The following TMEM167A variants were observed in gnomAD, a reference collection of about 807,000 sequenced individuals.
TMEM167A encodes the protein protein kish-A.
TMEM167A carries 8 observed loss-of-function variants against 11.6 expected under a neutral mutation model. That is an observed-to-expected ratio of 0.69 (90% confidence interval 0.40 to 1.24). The LOEUF (loss-of-function observed/expected upper bound fraction) is 1.24. Ranked by LOEUF, TMEM167A falls within the 50% of genes most tolerant of loss-of-function variation. The pLI is 0.01. For missense variants in TMEM167A, 62 were observed against 87.0 expected (o/e 0.71, Z 1.14); for synonymous variants, 22 against 28.0 (o/e 0.79, Z 0.67).
At chr5:83,072,096 G>A (rs1428791477) in intron 1 of TMEM167A, among the ~76,000 whole-genome samples, 1 of 152,088 alleles carries the variant, frequency 6.6e-6, no homozygotes, top group Non-Finnish European at 1.5e-5. Flanking sequence ...GTTTTCCACT[G>A]GCAACACTGA....
chr5:83,067,249 C>CAAAAA (rs144860721), intron 1 of TMEM167A, among the ~76,000 whole-genome samples: 7,492 of 151,260 alleles, frequency 0.05, 243 homozygotes, highest in Non-Finnish European at 0.073. Flanking sequence ...ATCTTAAAAA[C>CAAAAA]AAAAAAATGG....
At chr5:83,060,608 G>C (rs916567767) in intron 3 of TMEM167A, among the ~76,000 whole-genome samples, 4 of 151,920 alleles carry the variant, frequency 2.6e-5, no homozygotes, top group Non-Finnish European at 4.4e-5. Flanking sequence ...GAGGCGGGCG[G>C]ATCACAAGGT....
intron 1 of TMEM167A, 83 bp downstream of exon 1, chr5:83,077,238 G>T: frequency 1.2e-6 from 2 of 1,606,046 alleles, no homozygotes; most frequent in Non-Finnish European, 1.7e-6. Context: ...CACACCCCGG[G>T]CTGCCGCACA....
rs1307095544 is a variant in TMEM167A, at chr5:83,056,890, T to A, written c.*194A>T. On this transcript the variant is annotated 3_prime_UTR_variant, in exon 4 of 4. Transcript: ENST00000502346. The stretch of plus-strand genomic sequence containing the variant: ...AGTACTGAGGTTGATTGTTACAGAC[T>A]ATTAAATGGTTACATCTTAATTGTT... 2 of 624,714 alleles carry A rather than the reference T, an allele frequency of 3.2e-6. No homozygotes were observed. Among genetic ancestry groups the A allele is most frequent in the Non-Finnish European group, 5.7e-6 (2 of 351,726 alleles). 38.7% of individuals were successfully genotyped at this position (624,714 alleles called of 1,614,324 possible).
intron 1 of TMEM167A, among the ~76,000 whole-genome samples, chr5:83,070,522 TC>T (rs1481538490): frequency 6.6e-6 from 1 of 152,190 alleles, no homozygotes; most frequent in East Asian, 1.9e-4. Context: ...TTGAAGTAAA[TC>T]ACATTTGGTT....
At chr5:83,076,766 A>T (rs1744676447) in intron 1 of TMEM167A, among the ~76,000 whole-genome samples, 1 of 152,234 alleles carries the variant, frequency 6.6e-6, no homozygotes, top group Admixed American at 6.5e-5. Context: ...AAGCTCCTAG[A>T]AGGGCAATCC....
chr5:83,073,570 C>T (rs1328304394), intron 1 of TMEM167A, among the ~76,000 whole-genome samples: 2 of 152,148 alleles, frequency 1.3e-5, no homozygotes, highest in African/African-American at 4.8e-5. Flanking sequence ...TTGACGGTGC[C>T]GGGAGCCATC....
intron 2 of TMEM167A, chr5:83,064,106 T>C (rs930758657): frequency 8.3e-6 from 3 of 359,748 alleles, no homozygotes; most frequent in African/African-American, 4.3e-5. Flanking sequence ...TTAACACGTA[T>C]ATAAGTAGAA....
chr5:83,070,528 T>G (rs1009320838), intron 1 of TMEM167A, among the ~76,000 whole-genome samples: 1 of 152,136 alleles, frequency 6.6e-6, no homozygotes, highest in Non-Finnish European at 1.5e-5. Context: ...TAAATCACAT[T>G]TGGTTAGGTG....
chr5:83,059,439 C>T (rs1174833607), intron 3 of TMEM167A, among the ~76,000 whole-genome samples: 2 of 149,366 alleles, frequency 1.3e-5, no homozygotes, highest in African/African-American at 5.1e-5. Context: ...TGCCTCTTAA[C>T]TCCAGACCTG....
At chr5:83,064,150 A>T (rs1744445676) in intron 2 of TMEM167A, 1 of 443,512 alleles carries the variant, frequency 2.3e-6, no homozygotes, top group Non-Finnish European at 4.5e-6. Context: ...CAAACAGTTG[A>T]CTGTATTAGT....
chr5:83,062,997 C>G (rs1744428749), intron 2 of TMEM167A, among the ~76,000 whole-genome samples: 1 of 151,776 alleles, frequency 6.6e-6, no homozygotes, highest in Non-Finnish European at 1.5e-5. Context: ...AGCAAAAGGT[C>G]TCTTAGCCTA....
chr5:83,071,151 T>C (rs566294414), intron 1 of TMEM167A, among the ~76,000 whole-genome samples: 1 of 152,194 alleles, frequency 6.6e-6, no homozygotes, highest in Admixed American at 6.5e-5. Flanking sequence ...TTGGATCACT[T>C]GGGCACTAAA....
intron 2 of TMEM167A, chr5:83,064,413 G>A: frequency 2.1e-6 from 1 of 484,938 alleles, no homozygotes; most frequent in Non-Finnish European, 4.1e-6. Context: ...ATTCTTTAAT[G>A]AGATAAACAC....
chr5:83,063,652 T>C (rs1016884900), intron 2 of TMEM167A, among the ~76,000 whole-genome samples: 1 of 152,034 alleles, frequency 6.6e-6, no homozygotes, highest in African/African-American at 2.4e-5. Context: ...TTTTTCCACA[T>C]ATTTCTCTAC....
chr5:83,066,801 C>T (rs1744487815), intron 1 of TMEM167A, among the ~76,000 whole-genome samples: 1 of 150,846 alleles, frequency 6.6e-6, no homozygotes, highest in Non-Finnish European at 1.5e-5. Flanking sequence ...TCAGGGTGCT[C>T]TTCTCATTAG....
chr5:83,052,925 A>G lies in TMEM167A; in HGVS notation c.*4159T>C, dbSNP rs1744279429. On this transcript the variant is annotated 3_prime_UTR_variant, in exon 4 of 4. Coordinates refer to ENST00000502346, the MANE Select transcript of TMEM167A (RefSeq NM_174909.5). The stretch of plus-strand genomic sequence containing the variant: ...GATGTGCATGATTCTCTGTACTCTT[A>G]AAATCACAGGAAATATAATTCCACC... The G allele has an allele frequency of 6.6e-6, 1 of 151,928 alleles. No individual in the cohort carries two copies. Among genetic ancestry groups the G allele is most frequent in the African/African-American group, 2.4e-5 (1 of 41,384 alleles). 9.4% of individuals were successfully genotyped at this position (151,928 alleles called of 1,614,324 possible).
intron 1 of TMEM167A, among the ~76,000 whole-genome samples, chr5:83,074,799 T>G (rs1262934608): frequency 6.6e-6 from 1 of 152,010 alleles, no homozygotes; most frequent in African/African-American, 2.4e-5. Context: ...AGATGGAGTT[T>G]CGCTCTTGTT....
rs1364644168 is a variant in TMEM167A, at chr5:83,054,507, T to C, written c.*2577A>G. ...GACTTCAGTGTCCATCATCCGATCCTGCCCTGTAACAACAGGTCTATATGA... is the reference window on the plus strand; with the variant it reads ...GACTTCAGTGTCCATCATCCGATCCCGCCCTGTAACAACAGGTCTATATGA... On this transcript the variant is annotated 3_prime_UTR_variant, in exon 4 of 4. Transcript: ENST00000502346. The C allele has an allele frequency of 6.6e-6, 1 of 152,028 alleles. No individual in the cohort carries two copies. The highest frequency in any genetic ancestry group is 2.4e-5 in the African/African-American group (1 of 41,416). The allele number at this position is 152,028 out of a possible 1,614,324, so 9.4% of individuals were successfully genotyped here. A position where few individuals can be genotyped will look rare whatever the true frequency, so the allele number is the denominator to read the frequency against.
Sources: gnomAD v4.1 joint callset for allele counts (sites outside exome capture counted in the v4.1 genomes callset) on GRCh38, gnomAD v4.1.1 for gene constraint, MANE v1.5 for transcripts, NCBI Gene and HGNC (gene_info 2026-07-23, HGNC 2026-07-21) for gene names.